The following YTHDC1 variants were observed in gnomAD, a reference collection of about 807,000 sequenced individuals.
The protein encoded by YTHDC1 is YTH N6-methyladenosine RNA binding protein C1.
A neutral mutation model predicts 107.0 loss-of-function variants in YTHDC1; 12 were observed. The observed-to-expected ratio is 0.11, with a 90% CI of 0.07 to 0.18. YTHDC1 has a LOEUF of 0.18. Among genes scored for constraint, YTHDC1 ranks in the 10% least tolerant of loss-of-function variants. The pLI is 1.00. For synonymous variants in YTHDC1, 280 were observed against 289.5 expected, an observed-to-expected ratio of 0.97 and a Z score of 0.33; for missense variants, 635 against 898.8, an observed-to-expected ratio of 0.71 and a Z score of 3.75.
At chr4:68,345,736 C>T (rs1725334766) in intron 1 of YTHDC1, among the ~76,000 whole-genome samples, 1 of 152,020 alleles carries the variant, frequency 6.6e-6, no homozygotes, top group Admixed American at 6.5e-5. Context: ...CCAAGACAGG[C>T]AATTTTATCC....
intron 9 of YTHDC1, among the ~76,000 whole-genome samples, chr4:68,325,433 G>A (rs1002408859): frequency 6.6e-6 from 1 of 152,182 alleles, no homozygotes; most frequent in African/African-American, 2.4e-5. Flanking sequence ...GAAACAAAGA[G>A]AAGGGCTAGA....
intron 2 of YTHDC1, 160 bp downstream of exon 2, chr4:68,338,123 A>C (rs1342636447): frequency 3.5e-6 from 3 of 865,694 alleles, no homozygotes; most frequent in Non-Finnish European, 4.2e-6. Flanking sequence ...TTAGAAAAAA[A>C]CAGATTATCC....
At position 68,314,193 on chromosome 4, in the gene YTHDC1, C is replaced by G. The variant is rs1389299319; in HGVS notation, c.2090G>C (p.Arg697Thr). ...RDRPRDNRRD[R>T]ERDRGRDRER... ...TCTATCACGTCCTCTATCTCGCTCTCTGTCTCGTCTGTTATCTCTAGGGCG... is the reference window on the plus strand; with the variant it reads ...TCTATCACGTCCTCTATCTCGCTCTGTGTCTCGTCTGTTATCTCTAGGGCG... The change falls in exon 17 of 17, where the codon AGA (arginine) becomes ACA (threonine). Residue 697 changes from arginine (R) to threonine (T), a missense_variant. Arg to Thr is a moderately conservative substitution (Grantham distance 71). Coordinates refer to ENST00000344157, the MANE Select transcript of YTHDC1 (RefSeq NM_001031732.4). 1 of 1,613,470 alleles carries G rather than the reference C, an allele frequency of 6.2e-7. No individual in the cohort carries two copies. The highest frequency in any genetic ancestry group is 8.5e-7 in the Non-Finnish European group (1 of 1,179,756).
In YTHDC1 at chr4:68,350,064, T is replaced by C. The variant is rs1318119797; in HGVS notation, c.-311A>G. ...CGGCGCTAAAATGGAGCCTGCTTCC[T>C]GCGCGAAACAATCCCGCTCCCGAAA... On this transcript the variant is annotated 5_prime_UTR_variant, in exon 1 of 17. Transcript: ENST00000344157. The C allele has an allele frequency of 3.9e-6, 2 of 510,732 alleles. No homozygotes were observed. Among genetic ancestry groups the C allele is most frequent in the African/African-American group, 2.0e-5 (1 of 50,660 alleles). 31.6% of individuals were successfully genotyped at this position (510,732 alleles called of 1,614,324 possible). A position where few individuals can be genotyped will look rare whatever the true frequency, so the allele number is the denominator to read the frequency against.
chr4:68,335,095 TAATA>T (rs1724004908), intron 4 of YTHDC1, among the ~76,000 whole-genome samples: 1 of 152,142 alleles, frequency 6.6e-6, no homozygotes, highest in African/African-American at 2.4e-5. Flanking sequence ...GAAAATCATC[TAATA>T]AATAAACTGT....
chr4:68,329,174 T>A (rs563687529), intron 9 of YTHDC1, among the ~76,000 whole-genome samples: 1 of 152,226 alleles, frequency 6.6e-6, no homozygotes, highest in South Asian at 2.1e-4. Context: ...TCTCTTTTCC[T>A]AACCATCTCC....
intron 9 of YTHDC1, among the ~76,000 whole-genome samples, chr4:68,326,623 C>CTCAG (rs1491289134): frequency 2.0e-5 from 3 of 152,136 alleles, no homozygotes; most frequent in African/African-American, 7.2e-5. Flanking sequence ...CACAGTCTCA[C>CTCAG]TCTGTTACCC....
intron 1 of YTHDC1, among the ~76,000 whole-genome samples, chr4:68,340,314 A>G (rs1724670581): frequency 1.3e-5 from 2 of 152,046 alleles, no homozygotes; most frequent in South Asian, 4.1e-4. Flanking sequence ...GAAAATTACT[A>G]TGTCTGGAAT....
chr4:68,335,017 A>G (rs750078689), intron 4 of YTHDC1, among the ~76,000 whole-genome samples: 2 of 152,204 alleles, frequency 1.3e-5, no homozygotes, highest in African/African-American at 2.4e-5. Flanking sequence ...TTTTGTATGA[A>G]TAACTCCCAA....
At chr4:68,324,384 C>G (rs1375996194) in intron 9 of YTHDC1, among the ~76,000 whole-genome samples, 161 bp from the exon 10 acceptor site, 6 of 152,184 alleles carry the variant, frequency 3.9e-5, no homozygotes, top group Admixed American at 3.3e-4. Flanking sequence ...TCTTCAGAGA[C>G]TTTTTCCATA....
chr4:68,338,316 G>T lies in YTHDC1; in HGVS notation c.97C>A (p.Pro33Thr). The change falls in exon 2 of 17, where the codon CCA becomes ACA. Residue 33 changes from proline (P) to threonine (T), a missense_variant. This residue lies in a region of YTHDC1 where 4 missense variants were observed against 20.2 expected (regional missense o/e 0.20). Transcript: ENST00000344157. ...TCATTTTTATCTTGTTCACTCTCTGGATTATACAGTTCATCATCTTGTTCT... is the reference window on the plus strand; with the variant it reads ...TCATTTTTATCTTGTTCACTCTCTGTATTATACAGTTCATCATCTTGTTCT... ...VPEQDDELYN[P>T]ESEQDKNEKK... The T allele has an allele frequency of 6.2e-7, 1 of 1,608,846 alleles. No individual in the cohort carries two copies.
Position 68,313,443 on chromosome 4 carries a change from G to A in YTHDC1, c.*656C>T, listed in dbSNP as rs1411146533. ...AAGCCAATGTATACAATTTGGAGGG[G>A]AAGGCTAAACAATAGCATCAACCAC... On this transcript the variant is annotated 3_prime_UTR_variant, in exon 17 of 17. Transcript: ENST00000344157. 6.6e-6 allele frequency: 1 copy of A among 152,650 alleles called. No individual in the cohort carries two copies. The highest frequency in any genetic ancestry group is 2.4e-5 in the African/African-American group (1 of 41,438). 9.5% of individuals were successfully genotyped at this position (152,650 alleles called of 1,614,324 possible).
At chr4:68,321,041 TA>T (rs899821460) in intron 11 of YTHDC1, among the ~76,000 whole-genome samples, 1 of 152,122 alleles carries the variant, frequency 6.6e-6, no homozygotes, top group Admixed American at 6.5e-5. Flanking sequence ...CTGTCTTCCA[TA>T]AATCGGGTTA....
chr4:68,320,070 AT>A (rs1429788101), intron 12 of YTHDC1, 52 bp downstream of exon 12: 7 of 1,486,730 alleles, frequency 4.7e-6, no homozygotes, highest in Middle Eastern at 2.2e-4. Context: ...TAATTTTTTA[AT>A]TTTTTTCCAA....
chr4:68,325,570 A>G (rs1299967627), intron 9 of YTHDC1, among the ~76,000 whole-genome samples: 2 of 152,070 alleles, frequency 1.3e-5, no homozygotes, highest in Non-Finnish European at 2.9e-5. Flanking sequence ...TTAATTTTTT[A>G]GAGATTGGAT....
At chr4:68,332,920 C>A in intron 5 of YTHDC1, 73 bp from the exon 6 acceptor site, 2 of 1,314,650 alleles carry the variant, frequency 1.5e-6, no homozygotes, top group Non-Finnish European at 1.1e-6. Context: ...ACAGTCTTGT[C>A]ACATAAAATT....
Position 68,319,980 on chromosome 4 carries a change from A to G in YTHDC1, c.1684+143T>C, listed in dbSNP as rs1260408508. 1.0e-5 allele frequency: 7 copies of G among 671,300 alleles called. No individual in the cohort carries two copies. In the African/African-American group the frequency reaches 1.3e-4, roughly 12 times the overall value. The allele number at this position is 671,300 out of a possible 1,614,324, so 41.6% of individuals were successfully genotyped here. A position where few individuals can be genotyped will look rare whatever the true frequency, so the allele number is the denominator to read the frequency against. On this transcript the variant is annotated intron_variant, in intron 12 of 16. Coordinates refer to ENST00000344157, the MANE Select transcript of YTHDC1 (RefSeq NM_001031732.4). ...GGGAAGAATTACACTAATGAGAACT[A>G]CTAAAATTTCTCAAGATTTAAGTAG...
intron 9 of YTHDC1, among the ~76,000 whole-genome samples, chr4:68,325,395 T>G (rs1461547774): frequency 6.6e-6 from 1 of 152,142 alleles, no homozygotes; most frequent in Non-Finnish European, 1.5e-5. Flanking sequence ...TAAAGCCTTA[T>G]GTAGAGAACT....
At position 68,312,504 on chromosome 4, in the gene YTHDC1, G is replaced by A. The variant is rs995740801; in HGVS notation, c.*1595C>T. On this transcript the variant is annotated 3_prime_UTR_variant, in exon 17 of 17. Transcript: ENST00000344157. ...AAGACAATGACAAAACTAGAACCCA[G>A]GTTTCCTTAAAAGTACTTTTTCCTC... 6.6e-6 allele frequency: 1 copy of A among 152,094 alleles called. No homozygotes were observed. Among genetic ancestry groups the A allele is most frequent in the African/African-American group, 2.4e-5 (1 of 41,432 alleles). 9.4% of individuals were successfully genotyped at this position (152,094 alleles called of 1,614,324 possible).
Sources: gnomAD v4.1 joint callset for allele counts (sites outside exome capture counted in the v4.1 genomes callset) on GRCh38, gnomAD v4.1.1 for gene constraint, gnomAD v4.1.1 regional missense constraint, MANE v1.5 for transcripts, NCBI Gene and HGNC (gene_info 2026-07-23, HGNC 2026-07-21) for gene names.